ZNF804A: variants seen among roughly 807,000 people sequenced by gnomAD.
ZNF804A encodes zinc finger protein 804A.
Under a neutral mutation model 16.5 loss-of-function variants are expected in ZNF804A, and 2 were observed. That is an observed-to-expected ratio of 0.12 (90% CI 0.05 to 0.38). The LOEUF (loss-of-function observed/expected upper bound fraction) is 0.38, where lower values mean the gene tolerates loss of function less well. ZNF804A is among the 10% of genes least tolerant of loss of function. The pLI is 0.99. For missense variants in ZNF804A, 1,473 were observed against 1,390.7 expected (o/e 1.06, Z -0.94); for synonymous variants, 534 against 489.6 (o/e 1.09, Z -1.20).
At chr2:184,821,857 A>G (rs1695092049) in intron 1 of ZNF804A, among the ~76,000 whole-genome samples, 2 of 152,176 alleles carry the variant, frequency 1.3e-5, no homozygotes, top group Non-Finnish European at 1.5e-5. Flanking sequence ...CAAAACTACA[A>G]TGAGATACCA....
chr2:184,666,370 G>A (rs1266501177), intron 1 of ZNF804A, among the ~76,000 whole-genome samples: 1 of 151,940 alleles, frequency 6.6e-6, no homozygotes, highest in African/African-American at 2.4e-5. Context: ...CAAAAAGTAT[G>A]TTACATCTAC....
chr2:184,604,837 C>A (rs1031873524), intron 1 of ZNF804A, among the ~76,000 whole-genome samples: 3 of 152,044 alleles, frequency 2.0e-5, no homozygotes, highest in Non-Finnish European at 2.9e-5. Flanking sequence ...ATTGCTTGAA[C>A]TGAATTAACA....
At chr2:184,876,097 A>G (rs182026547) in intron 2 of ZNF804A, among the ~76,000 whole-genome samples, 4 of 152,202 alleles carry the variant, frequency 2.6e-5, no homozygotes, top group Non-Finnish European at 4.4e-5. Flanking sequence ...GCAGCATGCT[A>G]TTTTGTTCTG....
At chr2:184,877,124 G>C (rs1684705594) in intron 2 of ZNF804A, among the ~76,000 whole-genome samples, 1 of 151,924 alleles carries the variant, frequency 6.6e-6, no homozygotes, top group African/African-American at 2.4e-5. Context: ...TAGTTTACAT[G>C]ATGACTTGGT....
At chr2:184,615,657 T>C (rs754517546) in intron 1 of ZNF804A, among the ~76,000 whole-genome samples, 2 of 151,638 alleles carry the variant, frequency 1.3e-5, no homozygotes, top group Admixed American at 6.5e-5. Context: ...GTATTTCATA[T>C]GATTTTTGGC....
At chr2:184,918,826 T>C (rs1220985576) in intron 2 of ZNF804A, among the ~76,000 whole-genome samples, 2 of 152,136 alleles carry the variant, frequency 1.3e-5, no homozygotes, top group African/African-American at 2.4e-5. Context: ...GTATATATAT[T>C]ATGGTATTCC....
chr2:184,606,973 A>G (rs1334735848), intron 1 of ZNF804A, among the ~76,000 whole-genome samples: 1 of 152,210 alleles, frequency 6.6e-6, no homozygotes, highest in African/African-American at 2.4e-5. Flanking sequence ...TTGAAATGTA[A>G]ATCTCACTTG....
intron 1 of ZNF804A, among the ~76,000 whole-genome samples, chr2:184,672,420 T>A (rs993887727): frequency 9.9e-5 from 15 of 152,206 alleles, no homozygotes; most frequent in Non-Finnish European, 2.9e-5. Context: ...GAGTATCCCA[T>A]GCCCTACGTT....
chr2:184,934,496 C>T (rs146353198), intron 3 of ZNF804A, among the ~76,000 whole-genome samples: 14 of 152,046 alleles, frequency 9.2e-5, no homozygotes, highest in African/African-American at 3.4e-4. Flanking sequence ...GTTAGGGATG[C>T]CAAATTTGTA....
chr2:184,923,715 G>A (rs1034750871), intron 2 of ZNF804A, among the ~76,000 whole-genome samples: 14 of 151,914 alleles, frequency 9.2e-5, no homozygotes, highest in African/African-American at 3.4e-4. Flanking sequence ...TTATGTTGAG[G>A]TATGCTCCTT....
chr2:184,729,120 C>A lies in ZNF804A; in HGVS notation c.111+130050C>A, dbSNP rs923667214. Among the ~76,000 whole-genome samples the A allele has an allele frequency of 1.8e-4, 27 of 151,712 alleles. 1 individual carries two copies. Among genetic ancestry groups the A allele is most frequent in the African/African-American group, 6.5e-4 (27 of 41,366 alleles). ...GAATAACTTTAAGAGATCTATTGAA[C>A]ATCACAGTGAGAACAATATATTGTA... On this transcript the variant is annotated intron_variant, in intron 1 of 3. Coordinates refer to ENST00000302277, the MANE Select transcript of ZNF804A (RefSeq NM_194250.2).
intron 2 of ZNF804A, among the ~76,000 whole-genome samples, chr2:184,929,744 T>C (rs76123043): frequency 0.061 from 9,295 of 152,234 alleles, 976 homozygotes; most frequent in African/African-American, 0.21. Context: ...TTACATCTTA[T>C]TGTAGAAAAC....
At chr2:184,635,731 A>G (rs1691684537) in intron 1 of ZNF804A, among the ~76,000 whole-genome samples, 1 of 152,158 alleles carries the variant, frequency 6.6e-6, no homozygotes, top group African/African-American at 2.4e-5. Context: ...ACTATCTCAC[A>G]CATCGTGATT....
At chr2:184,647,684 C>A (rs551711645) in intron 1 of ZNF804A, among the ~76,000 whole-genome samples, 1 of 151,796 alleles carries the variant, frequency 6.6e-6, no homozygotes, top group South Asian at 2.1e-4. Context: ...CTCAGAAAGA[C>A]AAAGAAAAAA....
At position 184,598,910 on chromosome 2, in the gene ZNF804A, G is replaced by T. The variant is rs557078533; in HGVS notation, c.-50G>T. 31 of 1,328,268 alleles carry T rather than the reference G, an allele frequency of 2.3e-5. No individual in the cohort carries two copies. The African/African-American group carries it at 3.7e-4, about 16-fold the overall frequency. 82.3% of individuals were successfully genotyped at this position (1,328,268 alleles called of 1,614,324 possible). On this transcript the variant is annotated 5_prime_UTR_variant, in exon 1 of 4. Transcript: ENST00000302277. ...GCCCCGGCGCGCTGCGGCTGTGGGC[G>T]CGGGGTGCGTGGAAGCGGCGGCTGC...
intron 2 of ZNF804A, among the ~76,000 whole-genome samples, chr2:184,883,396 G>A (rs1041584156): frequency 1.3e-5 from 2 of 152,000 alleles, no homozygotes; most frequent in Non-Finnish European, 2.9e-5. Context: ...AAAGAATGAG[G>A]AGGAGAGATT....
rs908881373 is a variant in ZNF804A at position 184,936,368 on chromosome 2, T to C, written c.972T>C (p.Asn324=). 2 of 1,614,014 alleles carry C rather than the reference T, an allele frequency of 1.2e-6. No individual in the cohort carries two copies. The highest frequency in any genetic ancestry group is 1.3e-5 in the African/African-American group (1 of 75,072). The stretch of plus-strand genomic sequence containing the variant: ...TTCAGTTATCTTCTGATGCAGATAA[T>C]TGTCAAAATTCAGTCCCATTAGCAG... ...FQLQLSSDAD[N]CQNSVPLADQ... is the part of the protein sequence containing the mutation. Residue 324 remains asparagine (N), a synonymous_variant, in exon 4 of 4, where the codon AAT becomes AAC. Transcript: ENST00000302277.
chr2:184,841,242 A>G (rs1695432210), intron 1 of ZNF804A, among the ~76,000 whole-genome samples: 1 of 152,160 alleles, frequency 6.6e-6, no homozygotes, highest in South Asian at 2.1e-4. Flanking sequence ...CACTCCAATT[A>G]CAGGAAAAGG....
At chr2:184,846,935 CT>C (rs1210562350) in intron 1 of ZNF804A, among the ~76,000 whole-genome samples, 15 of 152,200 alleles carry the variant, frequency 9.9e-5, no homozygotes, top group African/African-American at 3.6e-4. Flanking sequence ...GGGAACTATC[CT>C]TCTTGTACAT....
Sources: gnomAD v4.1 joint callset for allele counts (sites outside exome capture counted in the v4.1 genomes callset) on GRCh38, gnomAD v4.1.1 for gene constraint, MANE v1.5 for transcripts, NCBI Gene and HGNC (gene_info 2026-07-23, HGNC 2026-07-21) for gene names.